ST6GALNAC3: variants seen among roughly 807,000 people sequenced by gnomAD.
ST6GALNAC3 encodes alpha-N-acetylgalactosaminide alpha-2,6-sialyltransferase 3.
In ST6GALNAC3, 25 loss-of-function variants were observed where a neutral mutation model predicts 32.7. The ratio of observed to expected loss-of-function variants is 0.76; its 90% CI spans 0.56 to 1.07. The LOEUF (loss-of-function observed/expected upper bound fraction) is 1.07. ST6GALNAC3 is among the 50% of genes least tolerant of loss of function. ST6GALNAC3 has a pLI of 0.00. For missense variants in ST6GALNAC3, 355 were observed against 382.4 expected (o/e 0.93, Z 0.60); for synonymous variants, 129 against 133.1 (o/e 0.97, Z 0.21).
At chr1:76,454,922 C>T (rs1366359966) in intron 3 of ST6GALNAC3, among the ~76,000 whole-genome samples, 1 of 106,166 alleles carries the variant, frequency 9.4e-6, no homozygotes, top group East Asian at 2.7e-4. Context: ...TAATTTTCTC[C>T]TATGTATTTT....
chr1:76,452,079 G>T (rs1657446873), intron 3 of ST6GALNAC3, among the ~76,000 whole-genome samples: 1 of 152,026 alleles, frequency 6.6e-6, no homozygotes. Flanking sequence ...ATATGGTTTG[G>T]CTGTGTCCCC....
intron 3 of ST6GALNAC3, among the ~76,000 whole-genome samples, chr1:76,484,644 A>G (rs1453725566): frequency 6.6e-6 from 1 of 152,064 alleles, no homozygotes; most frequent in South Asian, 2.1e-4. Flanking sequence ...GGGTTTTCTA[A>G]ATATACAATC....
chr1:76,450,209 C>A (rs1409795221), intron 3 of ST6GALNAC3, among the ~76,000 whole-genome samples: 1 of 152,028 alleles, frequency 6.6e-6, no homozygotes, highest in Non-Finnish European at 1.5e-5. Context: ...GAAGTGTTCC[C>A]TTTTCACCAT....
In ST6GALNAC3 at chr1:76,302,329, A is replaced by C. The variant is rs184756860; in HGVS notation, c.19-11476A>C. On this transcript the variant is annotated intron_variant, in intron 1 of 4. Coordinates refer to ENST00000328299, the MANE Select transcript of ST6GALNAC3 (RefSeq NM_152996.4). ...TTTCGCACTGTCAGTATGAACTTGT[A>C]TCAGAAACCTGCATGAGTATCTGCT... is the stretch of plus-strand genomic sequence containing the variant. 2.6e-5 allele frequency among the ~76,000 whole-genome samples: 4 copies of C among 152,120 alleles called. No homozygotes were observed. The East Asian group carries it at 5.8e-4, about 22-fold the overall frequency.
intron 3 of ST6GALNAC3, among the ~76,000 whole-genome samples, chr1:76,515,414 A>T (rs1216544094): frequency 6.6e-6 from 1 of 151,338 alleles, no homozygotes; most frequent in Admixed American, 6.6e-5. Flanking sequence ...GTCTCTGTTT[A>T]TTTCTGCTCT....
intron 1 of ST6GALNAC3, among the ~76,000 whole-genome samples, chr1:76,130,228 A>G (rs1557640837): frequency 6.6e-6 from 1 of 152,218 alleles, no homozygotes; most frequent in African/African-American, 2.4e-5. Flanking sequence ...TCAGTCATGT[A>G]GTTGCCAGTC....
chr1:76,574,522 AG>A (rs76746943), intron 3 of ST6GALNAC3, among the ~76,000 whole-genome samples: 29,958 of 151,898 alleles, frequency 0.2, 3,065 homozygotes, highest in Middle Eastern at 0.28. Context: ...AGGCACAAAA[AG>A]CTCTCTACTT....
chr1:76,629,744 A>C lies in ST6GALNAC3; in HGVS notation c.*938A>C. Reference sequence around the variant, plus strand: ...ATTTTTAAAATCATGAAATAGAGACAGCAAAGCATATTTTTACATCAATTT... The same window carrying C: ...ATTTTTAAAATCATGAAATAGAGACCGCAAAGCATATTTTTACATCAATTT... On this transcript the variant is annotated 3_prime_UTR_variant, in exon 5 of 5. Transcript: ENST00000328299. 1.0e-6 allele frequency: 1 copy of C among 980,434 alleles called. No homozygotes were observed. The highest frequency in any genetic ancestry group is 1.2e-6 in the Non-Finnish European group (1 of 825,014). The allele number at this position is 980,434 out of a possible 1,614,324, so 60.7% of individuals were successfully genotyped here.
At chr1:76,228,050 T>C (rs1413116762) in intron 1 of ST6GALNAC3, among the ~76,000 whole-genome samples, 1 of 152,206 alleles carries the variant, frequency 6.6e-6, no homozygotes, top group African/African-American at 2.4e-5. Flanking sequence ...TCAGCTACAG[T>C]TGGCTTCAGG....
Position 76,111,578 on chromosome 1 carries a change from C to A in ST6GALNAC3, c.18+36694C>A, listed in dbSNP as rs1424130146. Among the ~76,000 whole-genome samples, 8 of 149,800 alleles carry A rather than the reference C, an allele frequency of 5.3e-5. No homozygotes were observed. In the East Asian group the frequency reaches 1.6e-3, roughly 29 times the overall value. ...GTCTCTGGTTTTCCTAGGCAGAGGACCCTGCGGCCTTCCGCAGTGTTTGTG... is the reference window on the plus strand; with the variant it reads ...GTCTCTGGTTTTCCTAGGCAGAGGAACCTGCGGCCTTCCGCAGTGTTTGTG... On this transcript the variant is annotated intron_variant, in intron 1 of 4. Transcript: ENST00000328299.
rs113173656 is a variant in ST6GALNAC3 at position 76,327,102 on chromosome 1, T to A, written c.213+13103T>A. 7.9e-4 allele frequency among the ~76,000 whole-genome samples: 121 copies of A among 152,314 alleles called. 1 individual carries two copies. Among genetic ancestry groups the A allele is most frequent in the Middle Eastern group, 3.4e-3 (1 of 294 alleles). ...CTATGTGTGTTGAGTTTTTATCAGATGACTTCCTGGCATCTATTGAAATGA... is the reference window on the plus strand; with the variant it reads ...CTATGTGTGTTGAGTTTTTATCAGAAGACTTCCTGGCATCTATTGAAATGA... On this transcript the variant is annotated intron_variant, in intron 2 of 4. Transcript: ENST00000328299.
intron 1 of ST6GALNAC3, among the ~76,000 whole-genome samples, chr1:76,193,714 A>G (rs60056501): frequency 0.084 from 12,765 of 152,186 alleles, 590 homozygotes; most frequent in African/African-American, 0.12. Flanking sequence ...TTAAGTTGCC[A>G]TAACAAAATA....
intron 2 of ST6GALNAC3, among the ~76,000 whole-genome samples, chr1:76,397,695 G>A (rs1396464533): frequency 6.6e-6 from 1 of 151,924 alleles, no homozygotes; most frequent in Non-Finnish European, 1.5e-5. Context: ...TTTTCTTAGA[G>A]CATTTGCATA....
In ST6GALNAC3 at chr1:76,494,452, TATATATATATATATATAC is replaced by T. The variant is rs1396104851; in HGVS notation, c.623+82037_623+82054del. ...GTGTATATATATATATATATATATA[TATATATATATATATATAC>T]ACACACACACACACACTTTCCCTAC... On this transcript the variant is annotated intron_variant, in intron 3 of 4. Transcript: ENST00000328299. 8.3e-3 allele frequency among the ~76,000 whole-genome samples: 698 copies of T among 84,384 alleles called. 26 individuals carry two copies. Among genetic ancestry groups the T allele is most frequent in the African/African-American group, 0.028 (655 of 23,120 alleles). The allele number at this position is 84,384 out of a possible 152,430, so 55.4% of individuals were successfully genotyped here.
chr1:76,486,394 G>A (rs1660118052), intron 3 of ST6GALNAC3, among the ~76,000 whole-genome samples: 1 of 152,162 alleles, frequency 6.6e-6, no homozygotes, highest in South Asian at 2.1e-4. Flanking sequence ...CTTGCTTTAT[G>A]AATCTGGGTG....
chr1:76,175,772 C>T (rs994486982), intron 1 of ST6GALNAC3, among the ~76,000 whole-genome samples: 1 of 147,338 alleles, frequency 6.8e-6, no homozygotes, highest in African/African-American at 2.5e-5. Context: ...TGTTCCAAAG[C>T]TTGGGGCAGA....
chr1:76,569,406 T>C (rs1056438812), intron 3 of ST6GALNAC3, among the ~76,000 whole-genome samples: 1 of 152,144 alleles, frequency 6.6e-6, no homozygotes, highest in African/African-American at 2.4e-5. Context: ...CCTATTAACC[T>C]TGAGTGAGCT....
At chr1:76,578,712 TG>T (rs1221630174) in intron 3 of ST6GALNAC3, among the ~76,000 whole-genome samples, 1 of 152,016 alleles carries the variant, frequency 6.6e-6, no homozygotes, top group East Asian at 1.9e-4. Context: ...CTCATTCACA[TG>T]GACTCGTTTT....
chr1:76,232,556 G>C (rs935306408), intron 1 of ST6GALNAC3, among the ~76,000 whole-genome samples: 22 of 152,192 alleles, frequency 1.4e-4, no homozygotes, highest in Admixed American at 3.9e-4. Flanking sequence ...CCCCGGAAAG[G>C]CTCCTTTGTG....
Sources: gnomAD v4.1 joint callset for allele counts (sites outside exome capture counted in the v4.1 genomes callset) on GRCh38, gnomAD v4.1.1 for gene constraint, MANE v1.5 for transcripts, NCBI Gene and HGNC (gene_info 2026-07-23, HGNC 2026-07-21) for gene names.